SDCCAG8: variants seen among roughly 807,000 people sequenced by gnomAD.
SDCCAG8 encodes the protein SHH signaling and ciliogenesis regulator SDCCAG8, also known as serologically defined colon cancer antigen 8.
A neutral mutation model predicts 101.8 loss-of-function variants in SDCCAG8; 74 were observed. That is an observed-to-expected ratio of 0.73 (90% CI 0.60 to 0.88). The LOEUF is 0.88. SDCCAG8 is among the 40% of genes least tolerant of loss of function. The pLI, the probability that SDCCAG8 is intolerant of heterozygous loss-of-function variation, is 0.00. For missense variants in SDCCAG8, 787 were observed against 822.6 expected (o/e 0.96, Z 0.53); for synonymous variants, 281 against 292.9 (o/e 0.96, Z 0.41).
intron 13 of SDCCAG8, among the ~76,000 whole-genome samples, chr1:243,380,115 A>C (rs2077847129): frequency 6.6e-6 from 1 of 152,206 alleles, no homozygotes; most frequent in Admixed American, 6.5e-5. Context: ...AAAGAAAGAA[A>C]ATAAATTATT....
chr1:243,411,185 C>T (rs1314018353), intron 13 of SDCCAG8, among the ~76,000 whole-genome samples: 3 of 152,058 alleles, frequency 2.0e-5, no homozygotes, highest in Non-Finnish European at 4.4e-5. Context: ...GTAGTTATGG[C>T]TCACTGTAGC....
intron 16 of SDCCAG8, among the ~76,000 whole-genome samples, chr1:243,448,996 C>T (rs1184395121): frequency 1.3e-5 from 2 of 152,224 alleles, no homozygotes; most frequent in Non-Finnish European, 2.9e-5. Context: ...TGTATATCTT[C>T]ATGTTTGGAA....
chr1:243,443,271 A>G (rs1450161448), intron 16 of SDCCAG8, among the ~76,000 whole-genome samples: 8 of 152,230 alleles, frequency 5.3e-5, no homozygotes, highest in Non-Finnish European at 7.3e-5. Flanking sequence ...AACTTGGAAC[A>G]ATTCATACAA....
intron 1 of SDCCAG8, among the ~76,000 whole-genome samples, chr1:243,257,029 G>C (rs1180324979): frequency 1.3e-5 from 2 of 152,190 alleles, no homozygotes; most frequent in African/African-American, 2.4e-5. Flanking sequence ...AACTTGGACA[G>C]CATATATAAC....
At chr1:243,324,310 C>T (rs1218112186) in intron 9 of SDCCAG8, among the ~76,000 whole-genome samples, 2 of 152,126 alleles carry the variant, frequency 1.3e-5, no homozygotes, top group Non-Finnish European at 1.5e-5. Flanking sequence ...TTCTTTAAAA[C>T]ATCTCGGTTC....
At chr1:243,470,561 A>C (rs1284353878) in intron 16 of SDCCAG8, among the ~76,000 whole-genome samples, 1 of 150,188 alleles carries the variant, frequency 6.7e-6, no homozygotes, top group African/African-American at 2.5e-5. Context: ...CTCACAGGCC[A>C]GGGGAGCCAG....
At chr1:243,489,280 C>A in intron 17 of SDCCAG8, 140 bp downstream of exon 17, 1 of 1,190,900 alleles carries the variant, frequency 8.4e-7, no homozygotes, top group Non-Finnish European at 1.2e-6. Flanking sequence ...GAAGACTGTG[C>A]TGGGCACAGT....
chr1:243,300,407 T>C (rs552301766), intron 6 of SDCCAG8, among the ~76,000 whole-genome samples: 12 of 152,242 alleles, frequency 7.9e-5, no homozygotes, highest in Non-Finnish European at 1.6e-4. Flanking sequence ...CTCTTACCTA[T>C]GTATTTGTAA....
intron 12 of SDCCAG8, among the ~76,000 whole-genome samples, chr1:243,357,611 A>C (rs1195281827): frequency 6.6e-6 from 1 of 152,168 alleles, no homozygotes; most frequent in Non-Finnish European, 1.5e-5. Context: ...CATTTATTTA[A>C]CTAATAATTA....
At chr1:243,298,270 C>T (rs1044456421) in intron 6 of SDCCAG8, among the ~76,000 whole-genome samples, 2 of 150,560 alleles carry the variant, frequency 1.3e-5, no homozygotes, top group South Asian at 4.2e-4. Flanking sequence ...AGACTAGTCT[C>T]GAACTCCTGA....
At chr1:243,467,361 C>T (rs1660354656) in intron 16 of SDCCAG8, among the ~76,000 whole-genome samples, 1 of 152,176 alleles carries the variant, frequency 6.6e-6, no homozygotes, top group African/African-American at 2.4e-5. Context: ...AGCAATCAGT[C>T]CAGCTCCAGT....
chr1:243,294,281 C>T lies in SDCCAG8; in HGVS notation c.675+1062C>T, dbSNP rs146950336. On this transcript the variant is annotated intron_variant, in intron 6 of 17. Transcript: ENST00000366541. The stretch of plus-strand genomic sequence containing the variant: ...CTCCTTCTTTTCTAGAATTTGCTGT[C>T]TTATTTTACTTTTGAAGGCTGTAAT... 7.3e-4 allele frequency among the ~76,000 whole-genome samples: 111 copies of T among 152,180 alleles called. 2 individuals carry two copies. The East Asian group carries it at 0.018, about 25-fold the overall frequency.
chr1:243,364,546 G>A (rs2076889749), intron 12 of SDCCAG8, among the ~76,000 whole-genome samples: 1 of 152,124 alleles, frequency 6.6e-6, no homozygotes, highest in Non-Finnish European at 1.5e-5. Context: ...AGCCAGAGCC[G>A]GTGTGTTTGT....
chr1:243,269,859 T>C (rs2067943666), intron 1 of SDCCAG8, among the ~76,000 whole-genome samples: 1 of 152,092 alleles, frequency 6.6e-6, no homozygotes, highest in African/African-American at 2.4e-5. Context: ...GTGCTATATG[T>C]AGTGAAATCA....
chr1:243,363,600 C>T (rs1290192995), intron 12 of SDCCAG8, among the ~76,000 whole-genome samples: 1 of 152,140 alleles, frequency 6.6e-6, no homozygotes, highest in African/African-American at 2.4e-5. Flanking sequence ...TTTGAGATTT[C>T]TCCTATTCAT....
intron 17 of SDCCAG8, among the ~76,000 whole-genome samples, chr1:243,497,585 A>T (rs920405824): frequency 6.6e-6 from 1 of 152,110 alleles, no homozygotes; most frequent in Non-Finnish European, 1.5e-5. Flanking sequence ...ATAGTGATAA[A>T]TTGCTAGGTG....
At chr1:243,397,201 T>C (rs552770190) in intron 13 of SDCCAG8, among the ~76,000 whole-genome samples, 2 of 152,306 alleles carry the variant, frequency 1.3e-5, no homozygotes, top group East Asian at 3.9e-4. Context: ...AAAGTGTTCA[T>C]AGAGGAAGGT....
chr1:243,349,551 T>C (rs1311693252), intron 12 of SDCCAG8, among the ~76,000 whole-genome samples: 2 of 152,216 alleles, frequency 1.3e-5, no homozygotes, highest in Non-Finnish European at 2.9e-5. Flanking sequence ...GATGCTGAGC[T>C]TTGAGTTTGA....
chr1:243,416,232 C>A lies in SDCCAG8; in HGVS notation c.1744+403C>A, dbSNP rs1290501091. 6.6e-6 allele frequency among the ~76,000 whole-genome samples: 1 copy of A among 152,158 alleles called. No individual in the cohort carries two copies. The highest frequency in any genetic ancestry group is 1.5e-5 in the Non-Finnish European group (1 of 68,022). ...AATGCTCTGAGCTTACAGTTAGAGT[C>A]TCCTGAATAGCATTGAACAGTTCCC... is the stretch of plus-strand genomic sequence containing the variant. On this transcript the variant is annotated intron_variant, in intron 14 of 17. Coordinates refer to ENST00000366541, the MANE Select transcript of SDCCAG8 (RefSeq NM_006642.5). This position sits in a 1 kb window ranked among gnomAD's most constrained non-coding sequence, Gnocchi z 4.3.
Sources: gnomAD v4.1 joint callset for allele counts (sites outside exome capture counted in the v4.1 genomes callset) on GRCh38, gnomAD v4.1.1 for gene constraint, Gnocchi (gnomAD v3.1) non-coding constraint, MANE v1.5 for transcripts, NCBI Gene and HGNC (gene_info 2026-07-23, HGNC 2026-07-21) for gene names.